Variants in MAP2K6 observed in about 807,000 individuals in gnomAD.
MAP2K6 encodes the protein dual specificity mitogen-activated protein kinase kinase 6.
MAP2K6 carries 16 observed loss-of-function variants against 53.7 expected under a neutral mutation model. The ratio of observed to expected loss-of-function variants is 0.30; its 90% CI spans 0.20 to 0.45. The LOEUF (loss-of-function observed/expected upper bound fraction) is 0.45. Among genes scored for constraint, MAP2K6 ranks in the 20% least tolerant of loss-of-function variants. MAP2K6 has a pLI of 1.00. For synonymous variants in MAP2K6, 132 were observed against 143.1 expected (o/e 0.92, Z 0.55); for missense variants, 204 against 411.9 (o/e 0.50, Z 4.37).
At position 69,550,500 on chromosome 17, in the gene MAP2K6, AAATAT is replaced by A. The variant is rs1224749651; in HGVS notation, c.*8752_*8756del. ...AGATGAACTAGATTTTATAATTTTAAAATATAATACTGAAAGCTAGTTTGAAGTTT... is the reference window on the plus strand; with the variant it reads ...AGATGAACTAGATTTTATAATTTTAAAATACTGAAAGCTAGTTTGAAGTTT... On this transcript the variant is annotated 3_prime_UTR_variant, in exon 12 of 12. Coordinates refer to ENST00000590474, the MANE Select transcript of MAP2K6 (RefSeq NM_002758.4). 6.6e-6 allele frequency: 1 copy of A among 152,224 alleles called. No homozygotes were observed. The highest frequency in any genetic ancestry group is 1.5e-5 in the Non-Finnish European group (1 of 68,028). 9.4% of individuals were successfully genotyped at this position (152,224 alleles called of 1,614,324 possible). A position where few individuals can be genotyped will look rare whatever the true frequency, so the allele number is the denominator to read the frequency against.
At chr17:69,418,930 A>T (rs1448552434) in intron 1 of MAP2K6, among the ~76,000 whole-genome samples, 4 of 152,152 alleles carry the variant, frequency 2.6e-5, no homozygotes, top group Non-Finnish European at 5.9e-5. Context: ...ATAAATTCAC[A>T]ATAAGAATAT....
chr17:69,498,639 ACACCTGGAAGC>A (rs1275458098), intron 1 of MAP2K6, among the ~76,000 whole-genome samples: 2 of 134,212 alleles, frequency 1.5e-5, no homozygotes, highest in African/African-American at 5.6e-5. Context: ...CCACACACAC[ACACCTGGAAGC>A]CACACACACA....
intron 11 of MAP2K6, among the ~76,000 whole-genome samples, chr17:69,541,427 A>G (rs1236559736): frequency 6.7e-6 from 1 of 150,314 alleles, no homozygotes; most frequent in Admixed American, 6.6e-5. Context: ...GCATAATTAC[A>G]CTTTTTTTTA....
chr17:69,541,211 C>G (rs1367552698), intron 11 of MAP2K6, among the ~76,000 whole-genome samples: 1 of 152,102 alleles, frequency 6.6e-6, no homozygotes, highest in Non-Finnish European at 1.5e-5. Context: ...TGCAGTGAGC[C>G]AAGATCGCAC....
chr17:69,428,244 G>A (rs1211092290), intron 1 of MAP2K6, among the ~76,000 whole-genome samples: 1 of 152,248 alleles, frequency 6.6e-6, no homozygotes, highest in African/African-American at 2.4e-5. Context: ...GGAGGCCAGA[G>A]GTCCAAGATC....
chr17:69,449,558 TTTATTTC>T (rs1907119831), intron 1 of MAP2K6, among the ~76,000 whole-genome samples: 2 of 85,006 alleles, frequency 2.4e-5, no homozygotes, highest in South Asian at 5.8e-4. Flanking sequence ...TCTTTCTTTC[TTTATTTC>T]TTTCTTTCTT....
At chr17:69,466,298 A>G (rs1052845771) in intron 1 of MAP2K6, among the ~76,000 whole-genome samples, 3 of 151,716 alleles carry the variant, frequency 2.0e-5, no homozygotes, top group East Asian at 1.9e-4. Flanking sequence ...AAAAAAAAAA[A>G]AAAAGAAAAG....
At chr17:69,426,941 A>G (rs958523676) in intron 1 of MAP2K6, among the ~76,000 whole-genome samples, 5 of 152,202 alleles carry the variant, frequency 3.3e-5, no homozygotes, top group African/African-American at 1.2e-4. Context: ...AATAAATGGA[A>G]TATATCATAT....
At chr17:69,442,540 A>G (rs1906853118) in intron 1 of MAP2K6, among the ~76,000 whole-genome samples, 1 of 152,332 alleles carries the variant, frequency 6.6e-6, no homozygotes, top group East Asian at 1.9e-4. Context: ...CATTGTTTTC[A>G]TAAGCCTGTG....
chr17:69,422,124 ATTTTTT>A (rs35694490), intron 1 of MAP2K6, among the ~76,000 whole-genome samples: 15 of 87,366 alleles, frequency 1.7e-4, no homozygotes, highest in Non-Finnish European at 3.0e-4. Flanking sequence ...AATCATCGTA[ATTTTTT>A]TTTTTTTTTT....
intron 2 of MAP2K6, among the ~76,000 whole-genome samples, chr17:69,513,262 G>A (rs940404663): frequency 2.0e-5 from 3 of 152,200 alleles, no homozygotes; most frequent in African/African-American, 7.2e-5. Flanking sequence ...GAGGAGGCCT[G>A]GGTATTGGGA....
intron 1 of MAP2K6, among the ~76,000 whole-genome samples, chr17:69,484,625 A>T (rs1908460605): frequency 6.6e-6 from 1 of 152,160 alleles, no homozygotes. Context: ...AAACTTGTAC[A>T]TGAATGTACT....
chr17:69,527,767 A>G (rs1007502967), intron 10 of MAP2K6, among the ~76,000 whole-genome samples: 17 of 152,170 alleles, frequency 1.1e-4, no homozygotes, highest in Non-Finnish European at 1.8e-4. Context: ...TGTTTGAGGT[A>G]CTGAGGAAGC....
In MAP2K6 at chr17:69,552,865, A is replaced by C. The variant is rs995811000; in HGVS notation, c.*11112A>C. The C allele has an allele frequency of 1.3e-5, 2 of 151,080 alleles. No homozygotes were observed. The highest frequency in any genetic ancestry group is 2.4e-5 in the African/African-American group (1 of 41,006). The allele number at this position is 151,080 out of a possible 1,614,324, so 9.4% of individuals were successfully genotyped here. Reference sequence around the variant, plus strand: ...TTGTGTGCATTTTTTTTTTCATTTGAACTATTGTTTATCATTATTAATGAT... The same window carrying C: ...TTGTGTGCATTTTTTTTTTCATTTGCACTATTGTTTATCATTATTAATGAT... On this transcript the variant is annotated 3_prime_UTR_variant, in exon 12 of 12. Transcript: ENST00000590474.
chr17:69,498,503 CT>C (rs1166126294), intron 1 of MAP2K6, among the ~76,000 whole-genome samples: 2 of 152,082 alleles, frequency 1.3e-5, no homozygotes, highest in African/African-American at 4.8e-5. Flanking sequence ...TGCATGGGTC[CT>C]TTTGGGGCAG....
intron 1 of MAP2K6, among the ~76,000 whole-genome samples, chr17:69,423,338 T>C (rs571849423): frequency 6.6e-6 from 1 of 152,342 alleles, no homozygotes; most frequent in South Asian, 2.1e-4. Context: ...GGAACACAGC[T>C]ATGGTCATTC....
intron 1 of MAP2K6, among the ~76,000 whole-genome samples, chr17:69,450,642 C>T (rs1172480589): frequency 6.6e-6 from 1 of 151,982 alleles, no homozygotes; most frequent in Non-Finnish European, 1.5e-5. Flanking sequence ...AATGTCTTTT[C>T]CTTGAGACAT....
chr17:69,469,249 C>A (rs1907909763), intron 1 of MAP2K6, among the ~76,000 whole-genome samples: 1 of 152,228 alleles, frequency 6.6e-6, no homozygotes, highest in African/African-American at 2.4e-5. Context: ...ATCTCTCTAA[C>A]CAACCCCTCT....
Position 69,549,968 on chromosome 17 carries a change from A to T in MAP2K6, c.*8215A>T, listed in dbSNP as rs976727913. 5 of 147,578 alleles carry T rather than the reference A, an allele frequency of 3.4e-5. No homozygotes were observed. Among genetic ancestry groups the T allele is most frequent in the African/African-American group, 7.5e-5 (3 of 39,774 alleles). 9.1% of individuals were successfully genotyped at this position (147,578 alleles called of 1,614,324 possible). A position where few individuals can be genotyped will look rare whatever the true frequency, so the allele number is the denominator to read the frequency against. The stretch of plus-strand genomic sequence containing the variant: ...AACCCCTTGAAGGAGCAAGCTGATT[A>T]AAAAAAAAAGCTGGCAGACAAGTAT... On this transcript the variant is annotated 3_prime_UTR_variant, in exon 12 of 12. Transcript: ENST00000590474.
Sources: allele counts gnomAD v4.1 joint callset (sites outside exome capture counted in the v4.1 genomes callset), GRCh38; gene constraint gnomAD v4.1.1; transcripts MANE v1.5; gene names NCBI Gene and HGNC (gene_info 2026-07-23, HGNC 2026-07-21).